The following ASXL3 variants were observed in gnomAD, a reference collection of about 807,000 sequenced individuals.
ASXL3 encodes the protein putative Polycomb group protein ASXL3.
Under a neutral mutation model 170.6 loss-of-function variants are expected in ASXL3, and 34 were observed. The ratio of observed to expected loss-of-function variants is 0.20; its 90% CI spans 0.15 to 0.27. The LOEUF (loss-of-function observed/expected upper bound fraction) is 0.27, where lower values mean the gene tolerates loss of function less well. ASXL3 is among the 10% of genes least tolerant of loss of function. ASXL3 has a pLI of 1.00. For synonymous variants in ASXL3, 1,002 were observed against 989.1 expected (o/e 1.01, Z -0.24); for missense variants, 2,592 against 2,695.3 (o/e 0.96, Z 0.85).
chr18:33,625,068 G>C (rs1239543385), intron 2 of ASXL3, among the ~76,000 whole-genome samples: 3 of 152,102 alleles, frequency 2.0e-5, no homozygotes, highest in African/African-American at 4.8e-5. Flanking sequence ...TATCATTTAA[G>C]ATACAGATGG....
rs532056029 is a variant in ASXL3, at chr18:33,710,475, C to A, written c.880-21493C>A. 3.3e-5 allele frequency among the ~76,000 whole-genome samples: 5 copies of A among 152,286 alleles called. No individual in the cohort carries two copies. In the South Asian group the frequency reaches 1.0e-3, roughly 32 times the overall value. Reference sequence around the variant, plus strand: ...ATTTTTCCATTTGAGTTTTCTCTTTCAGTGGGTCATAGTTCACGTAAAGGA... The same window carrying A: ...ATTTTTCCATTTGAGTTTTCTCTTTAAGTGGGTCATAGTTCACGTAAAGGA... On this transcript the variant is annotated intron_variant, in intron 8 of 11. Coordinates refer to ENST00000269197, the MANE Select transcript of ASXL3 (RefSeq NM_030632.3).
chr18:33,743,144 T>C lies in ASXL3; in HGVS notation c.3296T>C (p.Leu1099Pro). 6.2e-7 allele frequency: 1 copy of C among 1,613,974 alleles called. No homozygotes were observed. The highest frequency in any genetic ancestry group is 1.1e-5 in the South Asian group (1 of 91,092). The change falls in exon 12 of 12, where the codon CTG (leucine) becomes CCG (proline). Residue 1099 changes from leucine to proline, a missense_variant. Coordinates refer to ENST00000269197, the MANE Select transcript of ASXL3 (RefSeq NM_030632.3). ...SPGEGGKTRT[L>P]AHIKEQTKAK... ...GGAGAGGGTGGAAAGACGAGAACTC[T>C]GGCACACATCAAAGAGCAGACAAAG... is the stretch of plus-strand genomic sequence containing the variant.
chr18:33,651,396 A>G (rs547651511), intron 4 of ASXL3, among the ~76,000 whole-genome samples: 1 of 152,150 alleles, frequency 6.6e-6, no homozygotes, highest in East Asian at 1.9e-4. Context: ...AAGGTTGGGT[A>G]TATGAGTGGA....
intron 2 of ASXL3, among the ~76,000 whole-genome samples, chr18:33,636,746 T>C (rs943381971): frequency 1.3e-5 from 2 of 152,052 alleles, no homozygotes; most frequent in African/African-American, 4.8e-5. Flanking sequence ...ATAATGCAGG[T>C]TGAGTTTCCC....
chr18:33,597,277 T>C (rs958321672), intron 1 of ASXL3, among the ~76,000 whole-genome samples: 4 of 152,112 alleles, frequency 2.6e-5, no homozygotes, highest in African/African-American at 9.7e-5. Context: ...TGTACATGTA[T>C]ATGTACACCA....
At chr18:33,650,863 T>C (rs1278872391) in intron 4 of ASXL3, among the ~76,000 whole-genome samples, 2 of 152,136 alleles carry the variant, frequency 1.3e-5, no homozygotes, top group Non-Finnish European at 2.9e-5. Flanking sequence ...CAATTGCATC[T>C]CCATGTAGGC....
At position 33,745,468 on chromosome 18, in the gene ASXL3, T is replaced by C. The variant is rs747436190; in HGVS notation, c.5620T>C (p.Phe1874Leu). The change falls in exon 12 of 12, where the codon TTT becomes CTT. Residue 1874 changes from phenylalanine (F) to leucine (L), a missense_variant. Phe to Leu is a conservative substitution (Grantham distance 22). Coordinates refer to ENST00000269197, the MANE Select transcript of ASXL3 (RefSeq NM_030632.3). ...GISQLGHSQPFKQEWLNKHSM... is the reference protein window; with the variant it reads ...GISQLGHSQPLKQEWLNKHSM... Reference sequence around the variant, plus strand: ...CAGTCAGCTAGGACACAGCCAGCCATTTAAGCAAGAATGGCTAAACAAGCA... The same window carrying C: ...CAGTCAGCTAGGACACAGCCAGCCACTTAAGCAAGAATGGCTAAACAAGCA... 3.1e-6 allele frequency: 5 copies of C among 1,614,004 alleles called. No individual in the cohort carries two copies. In the South Asian group the frequency reaches 5.5e-5, roughly 18 times the overall value.
At chr18:33,674,096 A>G (rs776060850) in intron 7 of ASXL3, among the ~76,000 whole-genome samples, 19 of 152,216 alleles carry the variant, frequency 1.2e-4, no homozygotes, top group Middle Eastern at 3.2e-3. Flanking sequence ...AGGAGCTGAG[A>G]TCCTGAAGGG....
intron 2 of ASXL3, among the ~76,000 whole-genome samples, chr18:33,633,649 C>T (rs1409049664): frequency 1.3e-5 from 2 of 151,828 alleles, no homozygotes; most frequent in African/African-American, 2.4e-5. Context: ...TGAGACCATC[C>T]TGGCCAACAT....
At chr18:33,723,032 T>A (rs1431180213) in intron 8 of ASXL3, among the ~76,000 whole-genome samples, 1 of 152,188 alleles carries the variant, frequency 6.6e-6, no homozygotes, top group Non-Finnish European at 1.5e-5. Flanking sequence ...TGTTGAGACT[T>A]ACTGCTCAGA....
At chr18:33,614,737 G>C (rs973785663) in intron 2 of ASXL3, 2 of 152,096 alleles carry the variant, frequency 1.3e-5, no homozygotes, top group African/African-American at 4.8e-5. Context: ...AGGTATGAAA[G>C]CAACATTAGT....
chr18:33,671,758 A>G lies in ASXL3; in HGVS notation c.607A>G (p.Lys203Glu), dbSNP rs1349036162. 6.2e-7 allele frequency: 1 copy of G among 1,603,810 alleles called. No homozygotes were observed. Among genetic ancestry groups the G allele is most frequent in the Non-Finnish European group, 8.5e-7 (1 of 1,174,794 alleles). ...ATTTCCTTTTTTAGGATCTGAATCT[A>G]AAAATGGTGAAGCAGACAGTTCAGA... ...QSDSPSGSES[K>E]NGEADSSDKE... is the part of the protein sequence containing the mutation. Residue 203 changes from lysine to glutamate, a missense_variant, in exon 7 of 12, where the codon AAA (lysine) becomes GAA (glutamate). Physicochemically the swap from Lys to Glu is moderately conservative, Grantham distance 56. This residue lies in a region of ASXL3 where 251 missense variants were observed against 281.9 expected (regional missense o/e 0.89). Coordinates refer to ENST00000269197, the MANE Select transcript of ASXL3 (RefSeq NM_030632.3).
chr18:33,733,857 GTCC>G (rs1484413637), intron 9 of ASXL3, among the ~76,000 whole-genome samples: 1 of 152,040 alleles, frequency 6.6e-6, no homozygotes, highest in Non-Finnish European at 1.5e-5. Flanking sequence ...CCTATATGTG[GTCC>G]TCCTTAATCG....
At chr18:33,657,086 G>A (rs1165689546) in intron 4 of ASXL3, among the ~76,000 whole-genome samples, 1 of 152,126 alleles carries the variant, frequency 6.6e-6, no homozygotes, top group Admixed American at 6.6e-5. Flanking sequence ...TGCAGGGACT[G>A]TCATGAATTT....
At chr18:33,587,079 T>C (rs1250031926) in intron 1 of ASXL3, among the ~76,000 whole-genome samples, 1 of 152,192 alleles carries the variant, frequency 6.6e-6, no homozygotes, top group Non-Finnish European at 1.5e-5. Context: ...GCTGTAGTTA[T>C]TTTTCAAGAA....
chr18:33,725,429 CTCTT>C (rs2067333548), intron 8 of ASXL3, among the ~76,000 whole-genome samples: 1 of 152,066 alleles, frequency 6.6e-6, no homozygotes. Context: ...TTCTTCCTAC[CTCTT>C]TCTACTTTTG....
chr18:33,641,507 C>T (rs975680162), intron 2 of ASXL3, among the ~76,000 whole-genome samples: 24 of 152,006 alleles, frequency 1.6e-4, no homozygotes, highest in African/African-American at 5.6e-4. Context: ...AAATAGTGTC[C>T]TGCTTATTTA....
chr18:33,592,698 A>G lies in ASXL3; in HGVS notation c.54+14013A>G, dbSNP rs149495201. 1.4e-3 allele frequency among the ~76,000 whole-genome samples: 211 copies of G among 152,278 alleles called. 1 individual carries two copies. Among genetic ancestry groups the G allele is most frequent in the Middle Eastern group, 6.8e-3 (2 of 294 alleles). On this transcript the variant is annotated intron_variant, in intron 1 of 11. Coordinates refer to ENST00000269197, the MANE Select transcript of ASXL3 (RefSeq NM_030632.3). The stretch of plus-strand genomic sequence containing the variant: ...GACAGAGTCAATCTTTATAAGAAAA[A>G]CAGGTGTTTTTATTCCAGGCCCACC...
At chr18:33,692,419 AGCTTCTGT>A (rs1404481961) in intron 8 of ASXL3, among the ~76,000 whole-genome samples, 1 of 152,080 alleles carries the variant, frequency 6.6e-6, no homozygotes, top group Non-Finnish European at 1.5e-5. Context: ...TCTGTGTCTC[AGCTTCTGT>A]GCTTCCTACT....
Sources: allele counts gnomAD v4.1 joint callset (sites outside exome capture counted in the v4.1 genomes callset), GRCh38; gene constraint gnomAD v4.1.1; regional missense constraint gnomAD v4.1.1; transcripts MANE v1.5; gene names NCBI Gene and HGNC (gene_info 2026-07-23, HGNC 2026-07-21).